The following OPA1 variants were observed in gnomAD, a reference collection of about 807,000 sequenced individuals.
OPA1 encodes the protein dynamin-like GTPase OPA1, mitochondrial.
A neutral mutation model predicts 152.9 loss-of-function variants in OPA1; 59 were observed. The ratio of observed to expected loss-of-function variants is 0.39; its 90% CI spans 0.31 to 0.48. The LOEUF (loss-of-function observed/expected upper bound fraction) is 0.48, where lower values mean the gene tolerates loss of function less well. Ranked by LOEUF, OPA1 falls within the 20% of genes least tolerant of loss-of-function variation. OPA1 has a pLI of 0.96. For missense variants in OPA1, 1,008 were observed against 1,216.8 expected (o/e 0.83, Z 2.55); for synonymous variants, 400 against 389.9 (o/e 1.03, Z -0.31).
chr3:193,666,332 C>CAGTAT lies in OPA1; in HGVS notation c.2817_2818insTATAG (p.Arg940TyrfsTer12), dbSNP rs756067145. On this transcript the variant is annotated frameshift_variant, in exon 28 of 31. Transcript: ENST00000361510. LOFTEE classifies it high-confidence loss of function. ...TGATGTGGTCTTGTTTTGGCGTATA[C>CAGTAT]AGCGCATGCTTGCTATCACCGCAAA... 6.2e-7 allele frequency: 1 copy of CAGTAT among 1,614,126 alleles called. No homozygotes were observed. The highest frequency in any genetic ancestry group is 1.3e-5 in the African/African-American group (1 of 75,048).
intron 29 of OPA1, among the ~76,000 whole-genome samples, chr3:193,678,718 G>A (rs1015264302): frequency 2.6e-5 from 4 of 152,134 alleles, no homozygotes; most frequent in Non-Finnish European, 5.9e-5. Flanking sequence ...AGCATAGCAT[G>A]TACTGAAAAT....
intron 29 of OPA1, among the ~76,000 whole-genome samples, chr3:193,688,200 A>AT (rs1447907180): frequency 1.3e-5 from 2 of 152,084 alleles, no homozygotes; most frequent in Non-Finnish European, 2.9e-5. Flanking sequence ...TTTATCATTG[A>AT]TTGACCGTAC....
intron 29 of OPA1, chr3:193,668,857 T>C (rs1451637210): frequency 2.8e-6 from 3 of 1,071,102 alleles, no homozygotes; most frequent in Non-Finnish European, 3.4e-6. Context: ...AAAATTTACT[T>C]AGATCTTTGA....
chr3:193,636,830 A>G lies in OPA1; in HGVS notation c.949-365A>G, dbSNP rs568797341. 1.3e-4 allele frequency among the ~76,000 whole-genome samples: 19 copies of G among 148,498 alleles called. No individual in the cohort carries two copies. The South Asian group carries it at 3.9e-3, about 30-fold the overall frequency. On this transcript the variant is annotated intron_variant, in intron 9 of 30. Transcript: ENST00000361510. ...CTCAAACTTAGCAAAGAATAATTTC[A>G]TTGTCAGTTGGTTACCTGACCACCT...
At position 193,644,128 on chromosome 3, in the gene OPA1, G is replaced by A. The variant is rs77303706; in HGVS notation, c.1608+23G>A. On this transcript the variant is annotated intron_variant, in intron 16 of 30. Coordinates refer to ENST00000361510, the MANE Select transcript of OPA1 (RefSeq NM_130837.3). ...AGGGTGAGGTCAAATTCTTTGTTGCGAGAATAGATTCTTTGTAAAAGCTCC... is the reference window on the plus strand; with the variant it reads ...AGGGTGAGGTCAAATTCTTTGTTGCAAGAATAGATTCTTTGTAAAAGCTCC... The A allele has an allele frequency of 0.076, 122,757 of 1,611,492 alleles. 5,323 individuals are homozygous for A. The highest frequency in any genetic ancestry group is 0.086 in the Non-Finnish European group (101,593 of 1,178,304).
Position 193,655,048 on chromosome 3 carries a change from A to G in OPA1, c.2178+21A>G, listed in dbSNP as rs779620272. ...TAGAGGTTAGGATATAATTTAATTA[A>G]ATGGGTAAGAAGCATTATCTGAAGG... is the stretch of plus-strand genomic sequence containing the variant. On this transcript the variant is annotated intron_variant, in intron 22 of 30. Transcript: ENST00000361510. 3.7e-6 allele frequency: 6 copies of G among 1,606,286 alleles called. No individual in the cohort carries two copies. In the Admixed American group the frequency reaches 1.0e-4, roughly 27 times the overall value.
chr3:193,626,117 T>C lies in OPA1; in HGVS notation c.704T>C (p.Leu235Ser), dbSNP rs1467730356. The change falls in exon 7 of 31, where the codon TTA becomes TCA. Residue 235 changes from leucine (L) to serine (S), a missense_variant. This residue lies in a region of OPA1 where 408 missense variants were observed against 395.1 expected (regional missense o/e 1.03). Transcript: ENST00000361510. ...RKGLLGELIL[L>S]QQQIQEHEEE... ...GGTCTGCTTGGTGAGCTCATTCTCT[T>C]ACAACAACAAATTCAAGAGCATGAA... 16 of 1,614,040 alleles carry C rather than the reference T, an allele frequency of 9.9e-6. No individual in the cohort carries two copies. The East Asian group carries it at 3.3e-4, about 34-fold the overall frequency.
At chr3:193,644,190 A>T in intron 16 of OPA1, 85 bp downstream of exon 16, 1 of 1,496,110 alleles carries the variant, frequency 6.7e-7, no homozygotes, top group Non-Finnish European at 9.3e-7. Context: ...AAAAACAACA[A>T]CAACAACAAA....
intron 29 of OPA1, chr3:193,689,027 G>A (rs1267109039): frequency 6.6e-6 from 1 of 152,148 alleles, no homozygotes; most frequent in African/African-American, 2.4e-5. Flanking sequence ...TCAGAGAAGT[G>A]TAGACAAGGC....
chr3:193,658,813 T>C, intron 23 of OPA1, 74 bp from the exon 24 acceptor site: 3 of 979,326 alleles, frequency 3.1e-6, no homozygotes, highest in Non-Finnish European at 5.0e-6. Flanking sequence ...TTTACTAAGC[T>C]GTCAATTTGA....
intron 29 of OPA1, among the ~76,000 whole-genome samples, chr3:193,678,387 A>G (rs1719539624): frequency 6.6e-6 from 1 of 152,090 alleles, no homozygotes; most frequent in Admixed American, 6.5e-5. Context: ...GAAACTATAG[A>G]TGGCAAAATT....
At chr3:193,659,383 A>C in intron 24 of OPA1, 99 bp from the exon 25 acceptor site, 1 of 1,027,746 alleles carries the variant, frequency 9.7e-7, no homozygotes, top group Non-Finnish European at 1.5e-6. Flanking sequence ...TCATATTGAT[A>C]TAGCACTTTG....
intron 1 of OPA1, among the ~76,000 whole-genome samples, chr3:193,606,970 G>T (rs1326331309): frequency 6.6e-6 from 1 of 152,202 alleles, no homozygotes; most frequent in South Asian, 2.1e-4. Flanking sequence ...TAACTGGTGT[G>T]AGTTGGTATC....
chr3:193,668,321 T>C (rs1233757829), intron 29 of OPA1: 6 of 1,550,048 alleles, frequency 3.9e-6, no homozygotes, highest in Non-Finnish European at 5.2e-6. Flanking sequence ...GCAGAAATGT[T>C]CTTTTTCCCC....
chr3:193,612,191 C>T (rs1728352298), intron 1 of OPA1, among the ~76,000 whole-genome samples: 1 of 151,832 alleles, frequency 6.6e-6, no homozygotes, highest in Non-Finnish European at 1.5e-5. Flanking sequence ...CAGTTTTAGA[C>T]CATGGAGTGA....
intron 29 of OPA1, among the ~76,000 whole-genome samples, chr3:193,677,379 GA>G: frequency 6.9e-6 from 1 of 144,570 alleles, no homozygotes; most frequent in Non-Finnish European, 1.5e-5. Flanking sequence ...CTGCAGCCTT[GA>G]ACTCCTGGGC....
At chr3:193,596,971 A>G (rs1286574727) in intron 1 of OPA1, 1 of 152,220 alleles carries the variant, frequency 6.6e-6, no homozygotes, top group Non-Finnish European at 1.5e-5. Context: ...GAGATCAAAT[A>G]AGTCTTTATG....
intron 7 of OPA1, chr3:193,627,083 G>A (rs924242212): frequency 3.3e-5 from 5 of 152,142 alleles, no homozygotes; most frequent in African/African-American, 9.7e-5. Context: ...ATATACAAAT[G>A]CTAGTCAGGA....
At chr3:193,662,648 A>G (rs1200468833) in intron 25 of OPA1, among the ~76,000 whole-genome samples, 174 bp from the exon 26 acceptor site, 2 of 132,234 alleles carry the variant, frequency 1.5e-5, no homozygotes, top group Non-Finnish European at 3.4e-5. Context: ...TAGGCCATTT[A>G]CCATATTCAT....
Sources: gnomAD v4.1 joint callset for allele counts (sites outside exome capture counted in the v4.1 genomes callset) on GRCh38, gnomAD v4.1.1 for gene constraint, gnomAD v4.1.1 regional missense constraint, MANE v1.5 for transcripts, NCBI Gene and HGNC (gene_info 2026-07-23, HGNC 2026-07-21) for gene names.